The following SORL1 variants were observed in gnomAD, a reference collection of about 807,000 sequenced individuals.
SORL1 encodes sortilin related receptor 1.
Under a neutral mutation model 273.7 loss-of-function variants are expected in SORL1, and 127 were observed. The observed-to-expected ratio is 0.46, with a 90% CI of 0.40 to 0.54. The LOEUF (loss-of-function observed/expected upper bound fraction) is 0.54. SORL1 is among the 20% of genes least tolerant of loss of function. SORL1 has a pLI of 0.00. For synonymous variants in SORL1, 1,031 were observed against 1,067.4 expected, an observed-to-expected ratio of 0.97 and a Z score of 0.66; for missense variants, 2,494 against 2,846.1, an observed-to-expected ratio of 0.88 and a Z score of 2.81.
At chr11:121,535,495 T>A (rs1862255217) in intron 12 of SORL1, among the ~76,000 whole-genome samples, 1 of 152,170 alleles carries the variant, frequency 6.6e-6, no homozygotes, top group Non-Finnish European at 1.5e-5. Context: ...GGCTCTGTGA[T>A]GTTTCTGAGC....
At chr11:121,501,112 G>A (rs1020109152) in intron 6 of SORL1, among the ~76,000 whole-genome samples, 4 of 152,044 alleles carry the variant, frequency 2.6e-5, no homozygotes, top group Non-Finnish European at 5.9e-5. Flanking sequence ...AAATGTATAA[G>A]CACCCAATGC....
At chr11:121,515,512 G>A (rs547342915) in intron 8 of SORL1, among the ~76,000 whole-genome samples, 3 of 152,338 alleles carry the variant, frequency 2.0e-5, no homozygotes, top group African/African-American at 7.2e-5. Context: ...TTTAGGAGCA[G>A]GGAGGAGGCC....
chr11:121,589,365 C>A lies in SORL1; in HGVS notation c.4053C>A (p.Gly1351=), dbSNP rs149859900. Residue 1351 remains glycine, a synonymous_variant, in exon 29 of 48, where the codon GGC becomes GGA. Transcript: ENST00000260197. ...IWKCDGMDDC[G]DYSDEANCEN... is the part of the protein sequence containing the mutation. ...AGTGCGACGGGATGGATGATTGCGG[C>A]GATTATTCTGATGAAGCCAACTGCG... 7 of 1,613,534 alleles carry A rather than the reference C, an allele frequency of 4.3e-6. No homozygotes were observed. Among genetic ancestry groups the A allele is most frequent in the Non-Finnish European group, 5.9e-6 (7 of 1,179,504 alleles).
chr11:121,583,360 C>T, intron 25 of SORL1, 98 bp from the exon 26 acceptor site: 1 of 1,401,538 alleles, frequency 7.1e-7, no homozygotes, highest in South Asian at 1.5e-5. Context: ...AGACCTTATT[C>T]CTACCTCATG....
At position 121,627,249 on chromosome 11, in the gene SORL1, C is replaced by A; in HGVS notation, c.6365-306C>A. 1 of 352,044 alleles carries A rather than the reference C, an allele frequency of 2.8e-6. No homozygotes were observed. Among genetic ancestry groups the A allele is most frequent in the East Asian group, 5.8e-5 (1 of 17,332 alleles). 21.8% of individuals were successfully genotyped at this position (352,044 alleles called of 1,614,324 possible). A position where few individuals can be genotyped will look rare whatever the true frequency, so the allele number is the denominator to read the frequency against. ...TCTTAAGTAATAATGCTAATGAAAT[C>A]AATGTTGATACCCCAACAAAGGTCT... On this transcript the variant is annotated intron_variant, in intron 46 of 47. Coordinates refer to ENST00000260197, the MANE Select transcript of SORL1 (RefSeq NM_003105.6). This position sits in a 1 kb window ranked among gnomAD's most constrained non-coding sequence, Gnocchi z 4.9.
intron 11 of SORL1, among the ~76,000 whole-genome samples, chr11:121,526,044 A>C (rs1042687951): frequency 3.9e-5 from 6 of 152,140 alleles, no homozygotes; most frequent in Admixed American, 1.3e-4. Context: ...TATATAAATA[A>C]ATTTTAAAAA....
At chr11:121,628,035 G>A (rs1863824162) in intron 47 of SORL1, among the ~76,000 whole-genome samples, 1 of 152,212 alleles carries the variant, frequency 6.6e-6, no homozygotes, top group South Asian at 2.1e-4. Context: ...GACTCCCAAA[G>A]TATCGGAAAA....
At chr11:121,570,956 ATTATC>A (rs1862832928) in intron 23 of SORL1, among the ~76,000 whole-genome samples, 2 of 152,344 alleles carry the variant, frequency 1.3e-5, no homozygotes, top group East Asian at 1.9e-4. Flanking sequence ...TAGCTTCGAC[ATTATC>A]TTATAAGGAG....
At chr11:121,492,180 A>G (rs1490653650) in intron 5 of SORL1, among the ~76,000 whole-genome samples, 1 of 151,960 alleles carries the variant, frequency 6.6e-6, no homozygotes, top group African/African-American at 2.4e-5. Flanking sequence ...GGCCAACATG[A>G]TGAAACCCCA....
chr11:121,577,580 A>G (rs1316263880), intron 25 of SORL1, among the ~76,000 whole-genome samples, 180 bp downstream of exon 25: 2 of 152,260 alleles, frequency 1.3e-5, no homozygotes, highest in Non-Finnish European at 2.9e-5. Flanking sequence ...GCCAGAATGT[A>G]AATCAACACC....
At chr11:121,532,420 T>C in intron 11 of SORL1, 44 bp from the exon 12 acceptor site, 1 of 1,574,796 alleles carries the variant, frequency 6.4e-7, no homozygotes, top group South Asian at 1.1e-5. Flanking sequence ...TTCTGCACAA[T>C]TACCTCCACA....
rs956282635 is a variant in SORL1, at chr11:121,632,488, A to T, written c.*2925A>T. 6.6e-6 allele frequency: 1 copy of T among 151,902 alleles called. No homozygotes were observed. Among genetic ancestry groups the T allele is most frequent in the African/African-American group, 2.4e-5 (1 of 41,338 alleles). 9.4% of individuals were successfully genotyped at this position (151,902 alleles called of 1,614,324 possible). On this transcript the variant is annotated 3_prime_UTR_variant, in exon 48 of 48. Coordinates refer to ENST00000260197, the MANE Select transcript of SORL1 (RefSeq NM_003105.6). ...CTGGTTGAAACTCTGACTTTTGGAC[A>T]AGTAATTCCTGGGGTTCTGTCTTTG... is the stretch of plus-strand genomic sequence containing the variant.
intron 11 of SORL1, among the ~76,000 whole-genome samples, chr11:121,531,420 C>T (rs1319068216): frequency 1.3e-5 from 2 of 152,062 alleles, no homozygotes; most frequent in Admixed American, 6.6e-5. Flanking sequence ...AAAAAATATT[C>T]CAATATATGG....
At chr11:121,628,820 C>T (rs1863835408) in intron 47 of SORL1, 1 of 152,192 alleles carries the variant, frequency 6.6e-6, no homozygotes. Flanking sequence ...TTTGTATATT[C>T]CCCTTCACTG....
At chr11:121,473,621 G>A (rs1861208449) in intron 2 of SORL1, among the ~76,000 whole-genome samples, 1 of 152,206 alleles carries the variant, frequency 6.6e-6, no homozygotes, top group African/African-American at 2.4e-5. Flanking sequence ...GGCTGGGTGA[G>A]GAGTGGCTCA....
In SORL1 at chr11:121,614,911, C is replaced by T; in HGVS notation, c.5460C>T (p.Ala1820=). 1 of 1,613,070 alleles carries T rather than the reference C, an allele frequency of 6.2e-7. No individual in the cohort carries two copies. The highest frequency in any genetic ancestry group is 1.1e-5 in the South Asian group (1 of 90,836). Residue 1820 remains alanine, a synonymous_variant, in exon 41 of 48, where the codon GCC becomes GCT. Coordinates refer to ENST00000260197, the MANE Select transcript of SORL1 (RefSeq NM_003105.6). ...LTAHTSYEIS[A]WAKTDLGDSP... is the part of the protein sequence containing the mutation. ...CTCATACATCCTATGAGATTTCTGC[C>T]TGGGCCAAGACTGACTTGGGGGATA...
At chr11:121,495,011 G>T (rs17245976) in intron 5 of SORL1, among the ~76,000 whole-genome samples, 7,858 of 152,254 alleles carry the variant, frequency 0.052, 272 homozygotes, top group Middle Eastern at 0.11. Flanking sequence ...AAAGCTGCTG[G>T]TTTCTCCGTT....
chr11:121,541,092 CCCCTTGTGAGA>C (rs1464706053), intron 12 of SORL1, among the ~76,000 whole-genome samples: 1 of 152,240 alleles, frequency 6.6e-6, no homozygotes, highest in Non-Finnish European at 1.5e-5. Flanking sequence ...TGAGATTTCT[CCCCTTGTGAGA>C]GATTTGTAGG....
chr11:121,461,259 A>T (rs934452284), intron 1 of SORL1, among the ~76,000 whole-genome samples: 1 of 151,776 alleles, frequency 6.6e-6, no homozygotes, highest in African/African-American at 2.4e-5. Context: ...GGTGGTGGTG[A>T]TGGGTGGGCT....
Sources: gnomAD v4.1 joint callset for allele counts (sites outside exome capture counted in the v4.1 genomes callset) on GRCh38, gnomAD v4.1.1 for gene constraint, Gnocchi (gnomAD v3.1) non-coding constraint, MANE v1.5 for transcripts, NCBI Gene and HGNC (gene_info 2026-07-23, HGNC 2026-07-21) for gene names.